The following SHC3 variants were observed in gnomAD, a reference collection of about 807,000 sequenced individuals.
The protein encoded by SHC3 is SHC-transforming protein 3.
Under a neutral mutation model 60.4 loss-of-function variants are expected in SHC3, and 15 were observed. The observed-to-expected ratio is 0.25, with a 90% CI of 0.17 to 0.38. SHC3 has a LOEUF of 0.38. Ranked by LOEUF, SHC3 falls within the 10% of genes least tolerant of loss-of-function variation. The pLI, the probability that SHC3 is intolerant of heterozygous loss-of-function variation, is 1.00. For missense variants in SHC3, 677 were observed against 786.1 expected (o/e 0.86, Z 1.66); for synonymous variants, 294 against 325.9 (o/e 0.90, Z 1.05).
intron 5 of SHC3, among the ~76,000 whole-genome samples, chr9:89,068,945 A>T (rs1337071926): frequency 6.6e-6 from 1 of 152,232 alleles, no homozygotes; most frequent in South Asian, 2.1e-4. Context: ...CACAAGGGGC[A>T]AGCAATTAGA....
chr9:89,086,679 C>A (rs563417170), intron 2 of SHC3, among the ~76,000 whole-genome samples: 4 of 152,188 alleles, frequency 2.6e-5, no homozygotes, highest in East Asian at 1.9e-4. Flanking sequence ...AGATTAGGGA[C>A]GGGGCTGGAA....
chr9:89,078,406 T>A (rs1285443605), intron 2 of SHC3, among the ~76,000 whole-genome samples: 1 of 152,146 alleles, frequency 6.6e-6, no homozygotes, highest in African/African-American at 2.4e-5. Context: ...GGTTAGTGAA[T>A]CTTACAAAAT....
intron 11 of SHC3, among the ~76,000 whole-genome samples, chr9:89,034,510 G>T (rs562919685): frequency 3.4e-4 from 52 of 152,328 alleles, no homozygotes; most frequent in Middle Eastern, 3.4e-3. Context: ...CCACGTAAGG[G>T]TGAGCCCTGG....
intron 1 of SHC3, among the ~76,000 whole-genome samples, chr9:89,158,285 T>C (rs1826655155): frequency 6.6e-6 from 1 of 152,128 alleles, no homozygotes; most frequent in Non-Finnish European, 1.5e-5. Flanking sequence ...CCATGTTGTT[T>C]AATTTCAAAG....
chr9:89,135,680 G>T (rs1172033959), intron 1 of SHC3, among the ~76,000 whole-genome samples: 1 of 151,706 alleles, frequency 6.6e-6, no homozygotes, highest in Non-Finnish European at 1.5e-5. Flanking sequence ...GTTTTTGAGG[G>T]TTTTTTTTCT....
At chr9:89,031,625 T>G (rs1177817987) in intron 11 of SHC3, among the ~76,000 whole-genome samples, 5 of 152,238 alleles carry the variant, frequency 3.3e-5, no homozygotes, top group Admixed American at 6.5e-5. Flanking sequence ...GACATTTTAC[T>G]TTCTTATTTA....
At chr9:89,064,742 A>T (rs192834046) in intron 6 of SHC3, among the ~76,000 whole-genome samples, 24 of 152,262 alleles carry the variant, frequency 1.6e-4, no homozygotes, top group Admixed American at 4.6e-4. Flanking sequence ...ATTGGAGGGT[A>T]AGGTAGCAAA....
chr9:89,123,765 T>C (rs2118147132), intron 1 of SHC3, among the ~76,000 whole-genome samples: 1 of 152,314 alleles, frequency 6.6e-6, no homozygotes, highest in South Asian at 2.1e-4. Context: ...ACCCTGGTGA[T>C]TTCTACCTTC....
chr9:89,161,210 T>G (rs1428262928), intron 1 of SHC3, among the ~76,000 whole-genome samples: 1 of 152,196 alleles, frequency 6.6e-6, no homozygotes, highest in Non-Finnish European at 1.5e-5. Context: ...AGGTTTCTCA[T>G]GAATGGTTTA....
intron 6 of SHC3, among the ~76,000 whole-genome samples, chr9:89,063,835 A>G (rs1825131459): frequency 6.6e-6 from 1 of 152,254 alleles, no homozygotes; most frequent in Non-Finnish European, 1.5e-5. Context: ...GGCAATAGAT[A>G]GGTGGGAACA....
chr9:89,018,194 G>A (rs1826128823), intron 11 of SHC3, among the ~76,000 whole-genome samples: 1 of 152,118 alleles, frequency 6.6e-6, no homozygotes, highest in Non-Finnish European at 1.5e-5. Flanking sequence ...ATGCACACGT[G>A]CGTTTATTGC....
intron 2 of SHC3, chr9:89,110,080 AG>A: frequency 1.0e-6 from 1 of 985,484 alleles, no homozygotes; most frequent in Non-Finnish European, 1.2e-6. Flanking sequence ...AAGAACAAAA[AG>A]GAAACACCTT....
chr9:89,007,990 C>T lies in SHC3; in HGVS notation c.*5457G>A, dbSNP rs1203214967. 3 of 152,234 alleles carry T rather than the reference C, an allele frequency of 2.0e-5. No homozygotes were observed. Among genetic ancestry groups the T allele is most frequent in the Non-Finnish European group, 1.5e-5 (1 of 68,050 alleles). The allele number at this position is 152,234 out of a possible 1,614,324, so 9.4% of individuals were successfully genotyped here. A position where few individuals can be genotyped will look rare whatever the true frequency, so the allele number is the denominator to read the frequency against. On this transcript the variant is annotated 3_prime_UTR_variant, in exon 12 of 12. Coordinates refer to ENST00000375835, the MANE Select transcript of SHC3 (RefSeq NM_016848.6). Reference sequence around the variant, plus strand: ...AAGCCCAGGGAGGAGTCCCAAGGTGCACAACACAGAGCCAATCTGCGTGTG... The same window carrying T: ...AAGCCCAGGGAGGAGTCCCAAGGTGTACAACACAGAGCCAATCTGCGTGTG...
intron 11 of SHC3, among the ~76,000 whole-genome samples, chr9:89,018,642 A>G (rs897909496): frequency 2.0e-5 from 3 of 151,896 alleles, no homozygotes; most frequent in African/African-American, 7.3e-5. Context: ...TAATTTAAAA[A>G]TGTTATTTAA....
At chr9:89,160,558 C>T (rs1240985537) in intron 1 of SHC3, among the ~76,000 whole-genome samples, 2 of 152,160 alleles carry the variant, frequency 1.3e-5, no homozygotes, top group Non-Finnish European at 2.9e-5. Context: ...CCATTCATTT[C>T]CCCCTTTCTT....
chr9:89,029,477 A>G (rs960514543), intron 11 of SHC3, among the ~76,000 whole-genome samples: 3 of 152,236 alleles, frequency 2.0e-5, no homozygotes, highest in African/African-American at 7.2e-5. Flanking sequence ...ACATATTTTC[A>G]GACACGCAAG....
chr9:89,090,728 C>G (rs1825608917), intron 2 of SHC3, among the ~76,000 whole-genome samples: 1 of 152,130 alleles, frequency 6.6e-6, no homozygotes, highest in African/African-American at 2.4e-5. Context: ...GAAGGACCCA[C>G]AACAGGGAAC....
At chr9:89,054,321 G>C (rs1408149574) in intron 6 of SHC3, among the ~76,000 whole-genome samples, 1 of 152,206 alleles carries the variant, frequency 6.6e-6, no homozygotes, top group African/African-American at 2.4e-5. Flanking sequence ...GGACTCTCGG[G>C]AATTAACTCA....
intron 1 of SHC3, among the ~76,000 whole-genome samples, chr9:89,122,658 C>T (rs751206928): frequency 6.6e-6 from 1 of 152,198 alleles, no homozygotes; most frequent in African/African-American, 2.4e-5. Context: ...TAAAGCAAGT[C>T]ACGGAGTCAG....
Sources: gnomAD v4.1 joint callset for allele counts (sites outside exome capture counted in the v4.1 genomes callset) on GRCh38, gnomAD v4.1.1 for gene constraint, MANE v1.5 for transcripts, NCBI Gene and HGNC (gene_info 2026-07-23, HGNC 2026-07-21) for gene names.